ITIH3: variants seen among roughly 807,000 people sequenced by gnomAD.
ITIH3 encodes inter-alpha-trypsin inhibitor heavy chain H3.
Under a neutral mutation model 96.5 loss-of-function variants are expected in ITIH3, and 81 were observed. The ratio of observed to expected loss-of-function variants is 0.84; its 90% CI spans 0.70 to 1.01. ITIH3 has a LOEUF of 1.01. ITIH3 is among the 50% of genes least tolerant of loss of function. The pLI is 0.00. For synonymous variants in ITIH3, 422 were observed against 445.2 expected (o/e 0.95, Z 0.66); for missense variants, 1,057 against 1,139.3 (o/e 0.93, Z 1.04).
chr3:52,797,769 T>A, intron 5 of ITIH3, 48 bp from the exon 6 acceptor site: 1 of 1,214,542 alleles, frequency 8.2e-7, no homozygotes. Flanking sequence ...TTCTGGGAAC[T>A]GGCCTCTGAG....
chr3:52,805,851 G>T lies in ITIH3; in HGVS notation c.1906+11G>T. On this transcript the variant is annotated intron_variant, in intron 16 of 21. Transcript: ENST00000449956. ...CCATGTCCTACCTGAGTGAGTACAT[G>T]CTGGCAGCTGCCACTCCTCCCACTG... The T allele has an allele frequency of 6.2e-7, 1 of 1,613,408 alleles. No individual in the cohort carries two copies. Among genetic ancestry groups the T allele is most frequent in the Non-Finnish European group, 8.5e-7 (1 of 1,179,562 alleles).
chr3:52,803,295 TTTATTTATTTATTTTATTTTATTATTA>T lies in ITIH3; in HGVS notation c.1709+496_1709+522del, dbSNP rs1391511709. 5.0e-5 allele frequency among the ~76,000 whole-genome samples: 7 copies of T among 138,852 alleles called. No homozygotes were observed. In the South Asian group the frequency reaches 1.5e-3, roughly 30 times the overall value. The allele number at this position is 138,852 out of a possible 152,430, so 91.1% of individuals were successfully genotyped here. The stretch of plus-strand genomic sequence containing the variant: ...ATTTATTTATTTATTTATTTATTTA[TTTATTTATTTATTTTATTTTATTATTA>T]TTATTTTTTTTTTTGAGACGGAGTC... On this transcript the variant is annotated intron_variant, in intron 13 of 21. Coordinates refer to ENST00000449956, the MANE Select transcript of ITIH3 (RefSeq NM_002217.4).
intron 11 of ITIH3, 191 bp from the exon 12 acceptor site, chr3:52,802,143 C>T: frequency 1.8e-6 from 1 of 542,052 alleles, no homozygotes; most frequent in Non-Finnish European, 3.3e-6. Context: ...TCTAGTCTTC[C>T]TCGTGTCTAT....
rs749428592 is a variant in ITIH3, at chr3:52,800,666, G to A, written c.1201+3G>A. ...GACTGATGGGGATGCCAATGTTGGT[G>A]AGGAGCACGGGCATGGTTTTGAGCT... On this transcript the variant is annotated splice_donor_region_variant and intron_variant, in intron 10 of 21. Coordinates refer to ENST00000449956, the MANE Select transcript of ITIH3 (RefSeq NM_002217.4). 2 of 1,598,026 alleles carry A rather than the reference G, an allele frequency of 1.3e-6. No individual in the cohort carries two copies. Among genetic ancestry groups the A allele is most frequent in the Admixed American group, 1.7e-5 (1 of 57,418 alleles).
At chr3:52,795,805 G>A (rs1313503786) in intron 2 of ITIH3, 182 bp downstream of exon 2, 4 of 588,216 alleles carry the variant, frequency 6.8e-6, no homozygotes, top group Non-Finnish European at 8.9e-6. Flanking sequence ...ACAGAGTGAC[G>A]ACCCCTCCAA....
chr3:52,806,241 C>G (rs564236286), intron 17 of ITIH3, 52 bp from the exon 18 acceptor site: 1 of 1,601,644 alleles, frequency 6.2e-7, no homozygotes, highest in Non-Finnish European at 8.5e-7. Flanking sequence ...GGGGAGGCCC[C>G]AGGTATGATG....
In ITIH3 at chr3:52,808,793, G is replaced by C. The variant is rs1045474493; in HGVS notation, c.*112G>C. The C allele has an allele frequency of 3.0e-6, 4 of 1,333,598 alleles. No homozygotes were observed. In the African/African-American group the frequency reaches 4.3e-5, roughly 14 times the overall value. 82.6% of individuals were successfully genotyped at this position (1,333,598 alleles called of 1,614,324 possible). A position where few individuals can be genotyped will look rare whatever the true frequency, so the allele number is the denominator to read the frequency against. On this transcript the variant is annotated 3_prime_UTR_variant, in exon 22 of 22. Coordinates refer to ENST00000449956, the MANE Select transcript of ITIH3 (RefSeq NM_002217.4). Reference sequence around the variant, plus strand: ...CTGGGAAAATAAAGTCCAAGGTCGAGACCAGACAGCTGCCAGCCTCTACAT... The same window carrying C: ...CTGGGAAAATAAAGTCCAAGGTCGACACCAGACAGCTGCCAGCCTCTACAT...
chr3:52,807,774 C>G lies in ITIH3; in HGVS notation c.2289C>G (p.Asn763Lys). 1 of 1,612,116 alleles carries G rather than the reference C, an allele frequency of 6.2e-7. No individual in the cohort carries two copies. Among genetic ancestry groups the G allele is most frequent in the Non-Finnish European group, 8.5e-7 (1 of 1,179,168 alleles). Residue 763 changes from asparagine (N) to lysine (K), a missense_variant, in exon 20 of 22, where the codon AAC becomes AAG. Transcript: ENST00000449956. ...DGLSMMINRK[N>K]MVVSFGDGVT... ...TGTCCATGATGATCAACAGGAAGAA[C>G]ATGGTGGTCTCCTTTGGAGATGGGG... is the stretch of plus-strand genomic sequence containing the variant.
At chr3:52,802,867 C>T in intron 13 of ITIH3, 61 bp downstream of exon 13, 2 of 1,579,908 alleles carry the variant, frequency 1.3e-6, no homozygotes, top group South Asian at 1.1e-5. Context: ...TGCAAGGGCA[C>T]CCCCATACGC....
chr3:52,808,355 C>T (rs970523896), intron 21 of ITIH3, 134 bp downstream of exon 21: 1 of 1,039,650 alleles, frequency 9.6e-7, no homozygotes, highest in Non-Finnish European at 1.4e-6. Context: ...GGTCTTGGCC[C>T]CTCCCAGGCT....
intron 14 of ITIH3, 28 bp downstream of exon 14, chr3:52,804,037 C>G (rs369358445): frequency 6.2e-7 from 1 of 1,601,094 alleles, no homozygotes; most frequent in East Asian, 2.3e-5. Context: ...GGCCGGAACC[C>G]GGAGGCCTCC....
Position 52,802,527 on chromosome 3 carries a change from G to A in ITIH3, c.1569+8G>A. On this transcript the variant is annotated splice_region_variant and intron_variant, in intron 12 of 21. Transcript: ENST00000449956. ...GATGTGAAGGGCCATGGGGTGAGTG[G>A]GGACAGGGCCTGGAAGTGTGCTGGG... is the stretch of plus-strand genomic sequence containing the variant. 6.2e-7 allele frequency: 1 copy of A among 1,613,658 alleles called. No individual in the cohort carries two copies. Among genetic ancestry groups the A allele is most frequent in the Non-Finnish European group, 8.5e-7 (1 of 1,179,784 alleles).
In ITIH3 at chr3:52,800,971, G is replaced by A. The variant is rs1194266161; in HGVS notation, c.1208G>A (p.Ser403Asn). The A allele has an allele frequency of 1.2e-6, 2 of 1,614,066 alleles. No individual in the cohort carries two copies. The highest frequency in any genetic ancestry group is 2.2e-5 in the East Asian group (1 of 44,888). ...ACACCCCCTTCTCCAACAGGTGAGAGCAGACCCGAAAAAATCCAAGAGAAT... is the reference window on the plus strand; with the variant it reads ...ACACCCCCTTCTCCAACAGGTGAGAACAGACCCGAAAAAATCCAAGAGAAT... ...LTDGDANVGE[S>N]RPEKIQENVR... Residue 403 changes from serine to asparagine, a missense_variant, in exon 11 of 22, where the codon AGC (serine) becomes AAC (asparagine). Coordinates refer to ENST00000449956, the MANE Select transcript of ITIH3 (RefSeq NM_002217.4).
Position 52,802,097 on chromosome 3 carries a change from T to C in ITIH3, c.1384-237T>C, listed in dbSNP as rs971610665. 9 of 480,898 alleles carry C rather than the reference T, an allele frequency of 1.9e-5. No individual in the cohort carries two copies. In the East Asian group the frequency reaches 2.6e-4, roughly 14 times the overall value. 29.8% of individuals were successfully genotyped at this position (480,898 alleles called of 1,614,324 possible). A position where few individuals can be genotyped will look rare whatever the true frequency, so the allele number is the denominator to read the frequency against. On this transcript the variant is annotated intron_variant, in intron 11 of 21. Transcript: ENST00000449956. ...GAACTCTGTCCTTTCATATTTCTTT[T>C]TTTTTTTAATAGGAAATACTTCTGA...
intron 4 of ITIH3, 71 bp from the exon 5 acceptor site, chr3:52,797,034 T>G (rs1333321181): frequency 1.3e-6 from 2 of 1,528,706 alleles, no homozygotes; most frequent in Non-Finnish European, 1.8e-6. Context: ...GGGCTGGGCC[T>G]GGGGCCGAGG....
chr3:52,800,362 G>A, intron 9 of ITIH3, 176 bp from the exon 10 acceptor site: 1 of 671,142 alleles, frequency 1.5e-6, no homozygotes, highest in Non-Finnish European at 2.5e-6. Context: ...GAAGTTGTTT[G>A]TTTGTTTGTT....
chr3:52,797,754 C>G (rs907432852), intron 5 of ITIH3, 63 bp from the exon 6 acceptor site: 16 of 1,035,894 alleles, frequency 1.5e-5, no homozygotes, highest in Non-Finnish European at 2.3e-5. Context: ...TTCCCATTGG[C>G]CTTGTTCTGG....
intron 1 of ITIH3, 61 bp downstream of exon 1, chr3:52,794,957 C>T: frequency 2.3e-6 from 3 of 1,330,898 alleles, no homozygotes; most frequent in Admixed American, 3.4e-5. Flanking sequence ...AGGCATCATG[C>T]TGGGCAAGGC....
intron 15 of ITIH3, chr3:52,805,318 T>G (rs1699995204): frequency 9.9e-6 from 10 of 1,008,270 alleles, no homozygotes; most frequent in Non-Finnish European, 1.2e-5. Context: ...CTGGCACATT[T>G]GGACTGGGCC....
Sources: gnomAD v4.1 joint callset for allele counts (sites outside exome capture counted in the v4.1 genomes callset) on GRCh38, gnomAD v4.1.1 for gene constraint, MANE v1.5 for transcripts, NCBI Gene and HGNC (gene_info 2026-07-23, HGNC 2026-07-21) for gene names.